The following GIGYF2 variants were observed in gnomAD, a reference collection of about 807,000 sequenced individuals.
GIGYF2 encodes GRB10-interacting GYF protein 2.
In GIGYF2, 25 loss-of-function variants were observed where a neutral mutation model predicts 208.1. The observed-to-expected ratio is 0.12, with a 90% CI of 0.09 to 0.17. GIGYF2 has a LOEUF of 0.17. GIGYF2 is among the 10% of genes least tolerant of loss of function. The probability of loss-of-function intolerance (pLI) is 1.00; values close to 1 mark genes in which losing one functional copy is unlikely to be tolerated. For synonymous variants in GIGYF2, 534 were observed against 543.8 expected (o/e 0.98, Z 0.25); for missense variants, 1,302 against 1,579.4 (o/e 0.82, Z 2.98).
intron 8 of GIGYF2, chr2:232,776,931 C>CT (rs370076880): frequency 1.2e-3 from 184 of 147,244 alleles, no homozygotes; most frequent in Non-Finnish European, 1.8e-3. Context: ...CTTTACTAAT[C>CT]TTTTTTTTTT....
intron 2 of GIGYF2, among the ~76,000 whole-genome samples, chr2:232,731,608 A>G (rs1697500899): frequency 6.6e-6 from 1 of 152,252 alleles, no homozygotes; most frequent in Non-Finnish European, 1.5e-5. Flanking sequence ...TTTAGAAAAC[A>G]CACTGAATTG....
At chr2:232,705,860 C>T (rs1231218897) in intron 2 of GIGYF2, 8 of 152,188 alleles carry the variant, frequency 5.3e-5, no homozygotes, top group African/African-American at 7.2e-5. Context: ...TGTGCTACCA[C>T]ACCCGGCTAA....
chr2:232,771,342 T>G (rs1559418642), intron 8 of GIGYF2: 1 of 1,612,918 alleles, frequency 6.2e-7, no homozygotes, highest in Non-Finnish European at 8.5e-7. Flanking sequence ...GAGCAATAAC[T>G]TTGCAATTAC....
At chr2:232,716,671 C>T (rs1380897668) in intron 2 of GIGYF2, among the ~76,000 whole-genome samples, 1 of 152,168 alleles carries the variant, frequency 6.6e-6, no homozygotes, top group African/African-American at 2.4e-5. Flanking sequence ...GCATGAGCCA[C>T]TGCGCCTGGC....
chr2:232,727,474 G>A (rs1026349239), intron 2 of GIGYF2, among the ~76,000 whole-genome samples: 8 of 152,190 alleles, frequency 5.3e-5, no homozygotes, highest in Non-Finnish European at 8.8e-5. Flanking sequence ...ATACACACTA[G>A]GCTGTTAACA....
Position 232,787,339 on chromosome 2 carries a change from C to G in GIGYF2, c.712+10C>G, listed in dbSNP as rs1559431992. 1.2e-6 allele frequency: 2 copies of G among 1,611,730 alleles called. No homozygotes were observed. Among genetic ancestry groups the G allele is most frequent in the Non-Finnish European group, 8.5e-7 (1 of 1,178,002 alleles). Reference sequence around the variant, plus strand: ...CGACCTCACAGTCCTGGTAAGAATTCTGTTGAGTAAAGGCACACAGGGACT... The same window carrying G: ...CGACCTCACAGTCCTGGTAAGAATTGTGTTGAGTAAAGGCACACAGGGACT... On this transcript the variant is annotated intron_variant, in intron 9 of 28. Coordinates refer to ENST00000373563, the MANE Select transcript of GIGYF2 (RefSeq NM_001103146.3).
chr2:232,844,434 C>G lies in GIGYF2; in HGVS notation c.3165C>G (p.Asn1055Lys). The G allele has an allele frequency of 6.2e-7, 1 of 1,613,100 alleles. No homozygotes were observed. The highest frequency in any genetic ancestry group is 8.5e-7 in the Non-Finnish European group (1 of 1,179,062). ...GCTCTATAAATACTGGTCCTCCTAACCAGTGGGCATCTGACCTAGTCAGTA... is the reference window on the plus strand; with the variant it reads ...GCTCTATAAATACTGGTCCTCCTAAGCAGTGGGCATCTGACCTAGTCAGTA... ...VWGSINTGPP[N>K]QWASDLVSSI... is the part of the protein sequence containing the mutation. Residue 1055 changes from asparagine (N) to lysine (K), a missense_variant, in exon 25 of 29, where the codon AAC (asparagine) becomes AAG (lysine). Coordinates refer to ENST00000373563, the MANE Select transcript of GIGYF2 (RefSeq NM_001103146.3).
chr2:232,785,306 TTAGCC>T (rs1559430382), intron 8 of GIGYF2, among the ~76,000 whole-genome samples: 2 of 152,170 alleles, frequency 1.3e-5, no homozygotes, highest in African/African-American at 4.8e-5. Context: ...TAGAAGCAGC[TTAGCC>T]TAGCTGGGTG....
intron 4 of GIGYF2, among the ~76,000 whole-genome samples, chr2:232,748,451 T>G (rs1171211180): frequency 6.6e-6 from 1 of 152,106 alleles, no homozygotes; most frequent in Non-Finnish European, 1.5e-5. Context: ...CTTGGCTAAT[T>G]TTTTTGTATT....
intron 3 of GIGYF2, among the ~76,000 whole-genome samples, chr2:232,747,143 G>A (rs965660178): frequency 6.6e-6 from 1 of 151,990 alleles, no homozygotes; most frequent in African/African-American, 2.4e-5. Flanking sequence ...TAAATAATTA[G>A]CTATTATCAA....
chr2:232,737,337 G>A (rs115458469), intron 3 of GIGYF2, among the ~76,000 whole-genome samples: 1,871 of 152,266 alleles, frequency 0.012, 44 homozygotes, highest in African/African-American at 0.042. Flanking sequence ...AATTGAGGTA[G>A]CCTTAAACAG....
chr2:232,824,202 A>G (rs2106400129), intron 21 of GIGYF2, among the ~76,000 whole-genome samples: 1 of 152,324 alleles, frequency 6.6e-6, no homozygotes, highest in South Asian at 2.1e-4. Flanking sequence ...ATGGCCTCTA[A>G]GGGTTCAAGT....
chr2:232,820,561 G>T (rs368481866), intron 21 of GIGYF2, among the ~76,000 whole-genome samples: 2 of 151,774 alleles, frequency 1.3e-5, no homozygotes, highest in East Asian at 1.9e-4. Flanking sequence ...TGATCCACCC[G>T]CCTCGGCCTC....
intron 21 of GIGYF2, chr2:232,828,599 T>C (rs1168472816): frequency 2.0e-5 from 3 of 152,166 alleles, no homozygotes; most frequent in African/African-American, 4.8e-5. Context: ...ACTACAAGCA[T>C]ATACCACCAT....
chr2:232,758,777 G>A (rs1698637968), intron 6 of GIGYF2, among the ~76,000 whole-genome samples: 1 of 152,196 alleles, frequency 6.6e-6, no homozygotes, highest in Non-Finnish European at 1.5e-5. Flanking sequence ...TGATACAAGT[G>A]TAAGGGCCTT....
rs542489151 is a variant in GIGYF2, at chr2:232,859,591, G to A, written c.*2731G>A. ...GCTTACAACAGCTACTTCATTCTGT[G>A]GGTCAGGAATTTGGATAGGGCTCAG... On this transcript the variant is annotated 3_prime_UTR_variant, in exon 29 of 29. Coordinates refer to ENST00000373563, the MANE Select transcript of GIGYF2 (RefSeq NM_001103146.3). The A allele has an allele frequency of 1.3e-5, 2 of 152,332 alleles. No homozygotes were observed. The highest frequency in any genetic ancestry group is 2.9e-5 in the Non-Finnish European group (2 of 68,160). 9.4% of individuals were successfully genotyped at this position (152,332 alleles called of 1,614,324 possible).
chr2:232,715,498 A>C (rs1190742124), intron 2 of GIGYF2, among the ~76,000 whole-genome samples: 1 of 152,160 alleles, frequency 6.6e-6, no homozygotes, highest in Admixed American at 6.5e-5. Context: ...TTCACATAGA[A>C]ATAATGTTTT....
chr2:232,770,840 A>G, intron 8 of GIGYF2: 1 of 1,137,540 alleles, frequency 8.8e-7, no homozygotes. Flanking sequence ...CTTTCCAAAC[A>G]CCTGTAGTTT....
chr2:232,749,282 G>A (rs183315040), intron 5 of GIGYF2, among the ~76,000 whole-genome samples, 200 bp downstream of exon 5: 2 of 152,206 alleles, frequency 1.3e-5, no homozygotes, highest in Non-Finnish European at 2.9e-5. Context: ...ATTTGGAAAC[G>A]TTTGTAGATC....
Sources: allele counts gnomAD v4.1 joint callset (sites outside exome capture counted in the v4.1 genomes callset), GRCh38; gene constraint gnomAD v4.1.1; transcripts MANE v1.5; gene names NCBI Gene and HGNC (gene_info 2026-07-23, HGNC 2026-07-21).